RANBP2: variants seen among roughly 807,000 people sequenced by gnomAD.
The protein encoded by RANBP2 is E3 SUMO-protein ligase RanBP2.
Under a neutral mutation model 303.6 loss-of-function variants are expected in RANBP2, and 57 were observed. The ratio of observed to expected loss-of-function variants is 0.19; its 90% CI spans 0.15 to 0.23. The LOEUF is 0.23. Among genes scored for constraint, RANBP2 ranks in the 10% least tolerant of loss-of-function variants. RANBP2 has a pLI of 1.00. For missense variants in RANBP2, 3,138 were observed against 3,780.8 expected (o/e 0.83, Z 4.46); for synonymous variants, 1,167 against 1,301.5 (o/e 0.90, Z 2.23).
the RANBP2 span, among the ~76,000 whole-genome samples, chr2:109,312,164 A>G: frequency 1.3e-5 from 2 of 152,192 alleles, no homozygotes; most frequent in Non-Finnish European, 1.5e-5. Flanking sequence ...CAGAACTCCA[A>G]ATCTTACAAA....
At chr2:109,360,251 A>G in the RANBP2 span, among the ~76,000 whole-genome samples, 1 of 152,138 alleles carries the variant, frequency 6.6e-6, no homozygotes, top group African/African-American at 2.4e-5. Context: ...ATAATATGTC[A>G]TATTTTTTAC....
the RANBP2 span, among the ~76,000 whole-genome samples, chr2:108,878,155 C>T: frequency 5.3e-5 from 8 of 152,154 alleles, no homozygotes; most frequent in Non-Finnish European, 8.8e-5. Context: ...AAGCACTGAA[C>T]ACTGAAACAA....
chr2:108,839,280 G>A, the RANBP2 span: 2 of 1,611,486 alleles, frequency 1.2e-6, no homozygotes, highest in Non-Finnish European at 1.7e-6. Context: ...GGTCCCTAAG[G>A]CAGCTAGATG....
the RANBP2 span, among the ~76,000 whole-genome samples, chr2:109,085,418 C>T: frequency 2.6e-5 from 4 of 152,106 alleles, no homozygotes; most frequent in Admixed American, 2.0e-4. Context: ...ATTCTCCTGC[C>T]TCAGCCTCCC....
At chr2:109,678,381 C>T in the RANBP2 span, among the ~76,000 whole-genome samples, 6 of 152,202 alleles carry the variant, frequency 3.9e-5, no homozygotes, top group African/African-American at 9.6e-5. Flanking sequence ...AGGGACCCTT[C>T]GCTTAGCTGT....
chr2:109,088,977 T>C, the RANBP2 span, among the ~76,000 whole-genome samples: 1 of 152,156 alleles, frequency 6.6e-6, no homozygotes, highest in Non-Finnish European at 1.5e-5. Context: ...GGCATCCCTT[T>C]ACATTTAAGA....
the RANBP2 span, among the ~76,000 whole-genome samples, chr2:108,905,165 C>A: frequency 6.6e-6 from 1 of 152,186 alleles, no homozygotes; most frequent in Non-Finnish European, 1.5e-5. Context: ...TTAAGACCTG[C>A]AGGTGACTCT....
At chr2:109,412,307 T>C in the RANBP2 span, among the ~76,000 whole-genome samples, 1 of 152,196 alleles carries the variant, frequency 6.6e-6, no homozygotes, top group Non-Finnish European at 1.5e-5. Context: ...CTCCAGGACA[T>C]TGGGAGGTGG....
the RANBP2 span, among the ~76,000 whole-genome samples, chr2:109,622,088 T>G: frequency 6.6e-6 from 1 of 152,112 alleles, no homozygotes; most frequent in Non-Finnish European, 1.5e-5. Context: ...TCAGGAAGCT[T>G]ACTATATATA....
chr2:109,055,592 G>T, the RANBP2 span, among the ~76,000 whole-genome samples: 1 of 150,428 alleles, frequency 6.6e-6, no homozygotes, highest in South Asian at 2.2e-4. Context: ...CACCATATTG[G>T]CCAGGCTGGT....
At chr2:109,164,320 A>T in the RANBP2 span, among the ~76,000 whole-genome samples, 4 of 152,130 alleles carry the variant, frequency 2.6e-5, no homozygotes, top group Non-Finnish European at 5.9e-5. Context: ...AGTAGCTAGG[A>T]CTACAGCACA....
chr2:109,136,834 T>C, the RANBP2 span, among the ~76,000 whole-genome samples: 2 of 152,280 alleles, frequency 1.3e-5, no homozygotes, highest in South Asian at 2.1e-4. Context: ...TTTAGAAGCA[T>C]GCTTGCACCG....
the RANBP2 span, among the ~76,000 whole-genome samples, chr2:109,070,199 T>A: frequency 1.9e-3 from 286 of 151,542 alleles, 1 homozygote; most frequent in African/African-American, 6.5e-3. Flanking sequence ...GACAGGGAGG[T>A]GTTAAAGGGC....
chr2:109,330,458 A>G, the RANBP2 span, among the ~76,000 whole-genome samples: 2 of 152,282 alleles, frequency 1.3e-5, no homozygotes, highest in Admixed American at 6.5e-5. Context: ...GACTCTAAAT[A>G]AACATTCCAT....
the RANBP2 span, chr2:109,613,821 A>C: frequency 8.1e-7 from 1 of 1,235,238 alleles, no homozygotes; most frequent in Non-Finnish European, 1.0e-6. Flanking sequence ...ACCTCGGAGG[A>C]GGCCATGGTC....
the RANBP2 span, among the ~76,000 whole-genome samples, chr2:108,831,181 A>G: frequency 6.6e-6 from 1 of 152,188 alleles, no homozygotes; most frequent in South Asian, 2.1e-4. Context: ...TCTGTCTCAA[A>G]AAAAAAGAAA....
chr2:109,360,696 A>G, the RANBP2 span, among the ~76,000 whole-genome samples: 1 of 152,250 alleles, frequency 6.6e-6, no homozygotes, highest in East Asian at 1.9e-4. Flanking sequence ...ATAATCAAGT[A>G]TTAGTTCTAG....
chr2:108,890,428 A>C, the RANBP2 span, among the ~76,000 whole-genome samples: 1 of 151,988 alleles, frequency 6.6e-6, no homozygotes, highest in Non-Finnish European at 1.5e-5. Context: ...TGTTTTTGGT[A>C]GAGAAGCGGT....
the RANBP2 span, among the ~76,000 whole-genome samples, chr2:108,802,204 G>A: frequency 1.1e-4 from 14 of 124,460 alleles, no homozygotes; most frequent in South Asian, 1.4e-3. Flanking sequence ...CATTGAATCT[G>A]TAAATTACCT....
Sources: allele counts gnomAD v4.1 joint callset (sites outside exome capture counted in the v4.1 genomes callset), GRCh38; gene constraint gnomAD v4.1.1; transcripts MANE v1.5; gene names NCBI Gene and HGNC (gene_info 2026-07-23, HGNC 2026-07-21).